The following SEMA6A variants were observed in gnomAD, a reference collection of about 807,000 sequenced individuals.
SEMA6A encodes semaphorin 6A.
A neutral mutation model predicts 96.8 loss-of-function variants in SEMA6A; 25 were observed. The observed-to-expected ratio is 0.26, with a 90% CI of 0.19 to 0.36. The LOEUF is 0.36. SEMA6A is among the 10% of genes least tolerant of loss of function. The pLI is 1.00. For synonymous variants in SEMA6A, 612 were observed against 518.0 expected (o/e 1.18, Z -2.46); for missense variants, 1,363 against 1,323.1 (o/e 1.03, Z -0.47).
At chr5:116,470,037 T>G (rs1448119248) in intron 17 of SEMA6A, among the ~76,000 whole-genome samples, 1 of 152,212 alleles carries the variant, frequency 6.6e-6, no homozygotes, top group African/African-American at 2.4e-5. Context: ...TGTAATCTTT[T>G]AAACTTATGC....
At chr5:116,508,230 C>G (rs145528140) in intron 1 of SEMA6A, 2 of 152,136 alleles carry the variant, frequency 1.3e-5, no homozygotes, top group Non-Finnish European at 2.9e-5. Context: ...AATGCATTCA[C>G]GCTGATAAAT....
intron 1 of SEMA6A, among the ~76,000 whole-genome samples, chr5:116,568,647 T>C (rs1761098490): frequency 6.6e-6 from 1 of 152,154 alleles, no homozygotes; most frequent in Non-Finnish European, 1.5e-5. Context: ...TAACTCAGAC[T>C]CCCTCCAGCT....
chr5:116,531,437 G>A (rs1235453730), intron 1 of SEMA6A, among the ~76,000 whole-genome samples: 1 of 152,046 alleles, frequency 6.6e-6, no homozygotes, highest in Admixed American at 6.5e-5. Flanking sequence ...AATCTACCTT[G>A]TGTAAAGGCC....
chr5:116,484,973 C>A (rs1451279675), intron 10 of SEMA6A, among the ~76,000 whole-genome samples: 1 of 152,112 alleles, frequency 6.6e-6, no homozygotes, highest in Non-Finnish European at 1.5e-5. Context: ...GGGCTTTATC[C>A]TCAGGGCAAA....
Position 116,446,777 on chromosome 5 carries a change from A to T in SEMA6A, c.2929T>A (p.Ser977Thr), listed in dbSNP as rs751152464. ...DSIQVHSSQP[S>T]GQAVTVSRQP... ...CTCGAGACAGTCACGGCCTGGCCAG[A>T]TGGCTGGGAGCTGTGCACCTGGATG... The change falls in exon 19 of 19, where the codon TCT (serine) becomes ACT (threonine). Residue 977 changes from serine (S) to threonine (T), a missense_variant. By Grantham distance (58) the Ser-to-Thr change is moderately conservative. Around this residue, in one of 2 missense-constraint regions of SEMA6A, gnomAD observed 883 missense variants for 763.6 expected, o/e 1.16. Coordinates refer to ENST00000343348, the MANE Select transcript of SEMA6A (RefSeq NM_020796.5). 46 of 1,611,764 alleles carry T rather than the reference A, an allele frequency of 2.9e-5. No individual in the cohort carries two copies. Among genetic ancestry groups the T allele is most frequent in the Admixed American group, 5.0e-5 (3 of 59,576 alleles).
intron 1 of SEMA6A, among the ~76,000 whole-genome samples, chr5:116,542,761 A>G (rs1413898806): frequency 6.6e-6 from 1 of 152,170 alleles, no homozygotes; most frequent in Non-Finnish European, 1.5e-5. Context: ...ACTTAGAGAA[A>G]CAGTAAGTGC....
At chr5:116,491,424 ATT>A (rs5870704) in intron 7 of SEMA6A, among the ~76,000 whole-genome samples, 21 of 149,988 alleles carry the variant, frequency 1.4e-4, no homozygotes, top group South Asian at 4.2e-4. Context: ...TTTAAATTTA[ATT>A]TTTTTTTTTT....
intron 16 of SEMA6A, among the ~76,000 whole-genome samples, chr5:116,475,303 G>T (rs1289062425): frequency 1.3e-5 from 2 of 152,152 alleles, no homozygotes; most frequent in African/African-American, 4.8e-5. Context: ...ATCCTCTAGG[G>T]TGAATTTTTT....
At chr5:116,473,203 G>T in intron 16 of SEMA6A, 110 bp from the exon 17 acceptor site, 1 of 1,024,278 alleles carries the variant, frequency 9.8e-7, no homozygotes, top group South Asian at 1.5e-5. Flanking sequence ...TATGGTCCCC[G>T]ATACTAAGTA....
At chr5:116,485,861 A>G (rs1757025554) in intron 10 of SEMA6A, among the ~76,000 whole-genome samples, 1 of 152,208 alleles carries the variant, frequency 6.6e-6, no homozygotes, top group South Asian at 2.1e-4. Flanking sequence ...CAACAATACG[A>G]GGACTCTGAA....
At chr5:116,448,209 G>C (rs965810448) in intron 18 of SEMA6A, among the ~76,000 whole-genome samples, 1 of 149,626 alleles carries the variant, frequency 6.7e-6, no homozygotes, top group African/African-American at 2.5e-5. Context: ...AGCCAGGCGC[G>C]GTGGCGGGGG....
intron 1 of SEMA6A, chr5:116,562,638 T>C (rs1184032740): frequency 5.8e-6 from 4 of 693,978 alleles, no homozygotes; most frequent in Non-Finnish European, 1.1e-5. Flanking sequence ...GGAGAAAACA[T>C]ATTTGGTGTC....
chr5:116,495,860 T>C (rs1361911002), intron 5 of SEMA6A: 2 of 337,544 alleles, frequency 5.9e-6, no homozygotes, highest in Admixed American at 9.3e-5. Flanking sequence ...AGTGTGTTTT[T>C]ATGTTGTTAT....
intron 1 of SEMA6A, among the ~76,000 whole-genome samples, chr5:116,567,465 C>G (rs1181380763): frequency 6.6e-6 from 1 of 152,042 alleles, no homozygotes; most frequent in Non-Finnish European, 1.5e-5. Context: ...TACTGTTACT[C>G]AAGTAAAAAT....
At position 116,562,899 on chromosome 5, in the gene SEMA6A, C is replaced by G. The variant is rs79671237; in HGVS notation, c.-39+11286G>C. On this transcript the variant is annotated intron_variant, in intron 1 of 18. Transcript: ENST00000343348. ...AAGACTCCTGGACCTGGGGCCCAGT[C>G]GGCCCTCGAGCCCTTGCCCCCTCGG... 29 of 606,864 alleles carry G rather than the reference C, an allele frequency of 4.8e-5. No individual in the cohort carries two copies. The African/African-American group carries it at 4.8e-4, about 10-fold the overall frequency. The allele number at this position is 606,864 out of a possible 1,614,324, so 37.6% of individuals were successfully genotyped here. A position where few individuals can be genotyped will look rare whatever the true frequency, so the allele number is the denominator to read the frequency against.
chr5:116,503,711 T>A, intron 2 of SEMA6A, among the ~76,000 whole-genome samples: 1 of 152,024 alleles, frequency 6.6e-6, no homozygotes. Flanking sequence ...AGAGACAGTT[T>A]TCACCATGTT....
intron 1 of SEMA6A, among the ~76,000 whole-genome samples, chr5:116,572,064 GAC>G (rs1761238362): frequency 6.6e-6 from 1 of 152,144 alleles, no homozygotes. Flanking sequence ...ACTAAAGAAA[GAC>G]AAGGCAAAGG....
At chr5:116,465,226 T>A (rs897334973) in intron 18 of SEMA6A, among the ~76,000 whole-genome samples, 1 of 152,092 alleles carries the variant, frequency 6.6e-6, no homozygotes, top group African/African-American at 2.4e-5. Flanking sequence ...AGGGACGCCA[T>A]CATGAGTCAG....
chr5:116,548,042 G>T (rs1487358795), intron 1 of SEMA6A, among the ~76,000 whole-genome samples: 4 of 152,144 alleles, frequency 2.6e-5, no homozygotes, highest in African/African-American at 7.2e-5. Flanking sequence ...ATTTACATCT[G>T]CAAACAGGGA....
Sources: gnomAD v4.1 joint callset for allele counts (sites outside exome capture counted in the v4.1 genomes callset) on GRCh38, gnomAD v4.1.1 for gene constraint, gnomAD v4.1.1 regional missense constraint, MANE v1.5 for transcripts, NCBI Gene and HGNC (gene_info 2026-07-23, HGNC 2026-07-21) for gene names.